SMPDL3B: variants seen among roughly 807,000 people sequenced by gnomAD.
The protein encoded by SMPDL3B is sphingomyelin phosphodiesterase acid like 3B.
Under a neutral mutation model 37.9 loss-of-function variants are expected in SMPDL3B, and 31 were observed. The observed-to-expected ratio is 0.82, with a 90% confidence interval of 0.61 to 1.10. SMPDL3B has a LOEUF of 1.10. Among genes scored for constraint, SMPDL3B ranks in the 50% least tolerant of loss-of-function variants. The pLI is 0.00. For missense variants in SMPDL3B, 525 were observed against 597.8 expected (o/e 0.88, Z 1.27); for synonymous variants, 235 against 242.6 (o/e 0.97, Z 0.29).
At position 27,957,185 on chromosome 1, in the gene SMPDL3B, G is replaced by A. The variant is rs147601400; in HGVS notation, c.1005+1103G>A. Among the ~76,000 whole-genome samples the A allele has an allele frequency of 2.6e-5, 4 of 152,250 alleles. No individual in the cohort carries two copies. In the East Asian group the frequency reaches 7.7e-4, roughly 29 times the overall value. ...CAGGGAACAGGCTGTAGGGGCAGGT[G>A]GGGGAGCAGTGAGGCCGTTTGGAGG... On this transcript the variant is annotated intron_variant, in intron 7 of 7. Transcript: ENST00000373894.
Position 27,955,868 on chromosome 1 carries a change from T to C in SMPDL3B, c.871+4T>C, listed in dbSNP as rs779993999. ...CGGATGCTCTATGATGATGCAGGTA[T>C]TCAACCTGGAGGGCAACTGCCAGCT... On this transcript the variant is annotated splice_donor_region_variant and intron_variant, in intron 6 of 7. Transcript: ENST00000373894. The C allele has an allele frequency of 6.2e-7, 1 of 1,612,636 alleles. No homozygotes were observed. Among genetic ancestry groups the C allele is most frequent in the East Asian group, 2.2e-5 (1 of 44,830 alleles).
intron 3 of SMPDL3B, among the ~76,000 whole-genome samples, chr1:27,952,603 G>T (rs933087392): frequency 6.6e-6 from 1 of 152,134 alleles, no homozygotes; most frequent in African/African-American, 2.4e-5. Context: ...CCTCAGGGAG[G>T]CCTCCCCAAA....
intron 3 of SMPDL3B, among the ~76,000 whole-genome samples, chr1:27,951,389 G>A (rs2090454409): frequency 6.6e-6 from 1 of 152,098 alleles, no homozygotes; most frequent in African/African-American, 2.4e-5. Context: ...TCGAGTAAGT[G>A]GCCTAAGAAG....
At chr1:27,953,837 G>A (rs1470504860) in intron 4 of SMPDL3B, among the ~76,000 whole-genome samples, 1 of 152,342 alleles carries the variant, frequency 6.6e-6, no homozygotes, top group African/African-American at 2.4e-5. Flanking sequence ...ATTGCCCAGT[G>A]TTCTCTTGGG....
intron 5 of SMPDL3B, 28 bp from the exon 6 acceptor site, chr1:27,955,656 G>A (rs1462473582): frequency 3.8e-6 from 6 of 1,599,426 alleles, no homozygotes; most frequent in Non-Finnish European, 5.1e-6. Flanking sequence ...GCATCTGTGA[G>A]CCTCTTCTGG....
rs1006466953 is a variant in SMPDL3B, at chr1:27,957,969, C to T, written c.1006-507C>T. ...TTACCCCGTCTGCAGTGGCCTGAAG[C>T]AGGTTCATAAATGTACCTGGAACCC... On this transcript the variant is annotated intron_variant, in intron 7 of 7. Transcript: ENST00000373894. Among the ~76,000 whole-genome samples, 6 of 152,190 alleles carry T rather than the reference C, an allele frequency of 3.9e-5. 1 individual carries two copies. The highest frequency in any genetic ancestry group is 1.4e-4 in the African/African-American group (6 of 41,434).
chr1:27,958,056 C>T lies in SMPDL3B; in HGVS notation c.1006-420C>T, dbSNP rs1638341474. On this transcript the variant is annotated intron_variant, in intron 7 of 7. Transcript: ENST00000373894. The surrounding 1 kb of genome is among the most constrained non-coding windows in gnomAD (Gnocchi z 5.6). Reference sequence around the variant, plus strand: ...CATGCACCTGGGTCCTAGGAGTCTACAGTTCATAATCTCTCTCATGCTTAG... The same window carrying T: ...CATGCACCTGGGTCCTAGGAGTCTATAGTTCATAATCTCTCTCATGCTTAG... 6.6e-6 allele frequency among the ~76,000 whole-genome samples: 1 copy of T among 152,124 alleles called. No homozygotes were observed. The highest frequency in any genetic ancestry group is 1.5e-5 in the Non-Finnish European group (1 of 68,024).
In SMPDL3B at chr1:27,955,734, C is replaced by T. The variant is rs747278197; in HGVS notation, c.741C>T (p.Asn247=). Reference sequence around the variant, plus strand: ...CGGGGTTCTTTGAGAAGACGCAAAACAAGGCATGGTTCCGGGAGGGCTTCA... The same window carrying T: ...CGGGGTTCTTTGAGAAGACGCAAAATAAGGCATGGTTCCGGGAGGGCTTCA... ...VPPGFFEKTQ[N]KAWFREGFNE... The change falls in exon 6 of 8, where the codon AAC becomes AAT. Residue 247 remains asparagine (N), a synonymous_variant. Transcript: ENST00000373894. 1.2e-6 allele frequency: 2 copies of T among 1,614,118 alleles called. No homozygotes were observed. The highest frequency in any genetic ancestry group is 2.2e-5 in the South Asian group (2 of 91,084).
At chr1:27,948,098 GC>G (rs1252731326) in intron 2 of SMPDL3B, among the ~76,000 whole-genome samples, 1 of 152,064 alleles carries the variant, frequency 6.6e-6, no homozygotes, top group Non-Finnish European at 1.5e-5. Flanking sequence ...TCAAATCTTG[GC>G]CCCACCACTT....
intron 3 of SMPDL3B, 101 bp from the exon 4 acceptor site, chr1:27,953,114 C>T (rs1259037451): frequency 2.4e-6 from 2 of 834,700 alleles, no homozygotes; most frequent in Non-Finnish European, 3.9e-6. Context: ...TGTGCTATCG[C>T]TCTTCCCCTT....
rs749664869 is a variant in SMPDL3B, at chr1:27,958,636, T to A, written c.1166T>A (p.Leu389Gln). ...LDRIAGDQST[L>Q]QRYYVYNSVS... The stretch of plus-strand genomic sequence containing the variant: ...CGCATCGCTGGCGACCAGAGCACAC[T>A]GCAGCGCTACTACGTCTATAACTCA... The change falls in exon 8 of 8, where the codon CTG becomes CAG. Residue 389 changes from leucine to glutamine, a missense_variant. Physicochemically the swap from Leu to Gln is moderately radical, Grantham distance 113. Coordinates refer to ENST00000373894, the MANE Select transcript of SMPDL3B (RefSeq NM_014474.4). This position sits in a 1 kb window ranked among gnomAD's most constrained non-coding sequence, Gnocchi z 5.6. 5.6e-6 allele frequency: 9 copies of A among 1,613,874 alleles called. No homozygotes were observed. In the South Asian group the frequency reaches 9.9e-5, roughly 18 times the overall value.
At chr1:27,949,814 T>G (rs961314157) in intron 3 of SMPDL3B, among the ~76,000 whole-genome samples, 7 of 152,154 alleles carry the variant, frequency 4.6e-5, no homozygotes, top group African/African-American at 1.7e-4. Flanking sequence ...AAGCAGCCCA[T>G]AGCCCCCACC....
intron 6 of SMPDL3B, 23 bp from the exon 7 acceptor site, chr1:27,955,926 T>C: frequency 6.2e-7 from 1 of 1,613,800 alleles, no homozygotes; most frequent in Non-Finnish European, 8.5e-7. Context: ...ACCCGCTCAG[T>C]CCTGCTGTCT....
rs2090495863 is a variant in SMPDL3B at position 27,955,801 on chromosome 1, A to G, written c.808A>G (p.Ile270Val). The G allele has an allele frequency of 6.2e-7, 1 of 1,614,060 alleles. No homozygotes were observed. The highest frequency in any genetic ancestry group is 1.3e-5 in the African/African-American group (1 of 74,924). Residue 270 changes from isoleucine to valine, a missense_variant, in exon 6 of 8, where the codon ATA (isoleucine) becomes GTA (valine). Transcript: ENST00000373894. ...GGTGGTCCGGAAGCATCATCGCGTC[A>G]TAGCAGGGCAGTTCTTCGGGCACCA... ...LKVVRKHHRV[I>V]AGQFFGHHHT...
intron 2 of SMPDL3B, among the ~76,000 whole-genome samples, chr1:27,946,783 G>A (rs889997871): frequency 1.3e-5 from 2 of 152,188 alleles, no homozygotes. Flanking sequence ...TTGTGGGTGT[G>A]ACCAGGAAGG....
rs145731626 is a variant in SMPDL3B at position 27,945,248 on chromosome 1, C to T, written c.78C>T (p.Ile26=). The T allele has an allele frequency of 1.7e-5, 27 of 1,614,014 alleles. No individual in the cohort carries two copies. Among genetic ancestry groups the T allele is most frequent in the Non-Finnish European group, 2.1e-5 (25 of 1,179,998 alleles). The change falls in exon 2 of 8, where the codon ATC becomes ATT. Residue 26 remains isoleucine (I), a synonymous_variant. Transcript: ENST00000373894. The surrounding 1 kb of genome is among the most constrained non-coding windows in gnomAD (Gnocchi z 4.0). ...ARAEPGKFWH[I]ADLHLDPDYK... is the part of the protein sequence containing the mutation. ...CCCCTGCAGGGAAGTTCTGGCACAT[C>T]GCTGACCTGCACCTTGACCCTGACT...
chr1:27,936,528 A>G (rs1005577218), intron 1 of SMPDL3B: 3 of 152,012 alleles, frequency 2.0e-5, no homozygotes, highest in African/African-American at 7.3e-5. Flanking sequence ...CATTATACCC[A>G]TTTTGCAGAT....
intron 7 of SMPDL3B, among the ~76,000 whole-genome samples, chr1:27,957,631 A>C (rs1165494064): frequency 6.6e-6 from 1 of 152,130 alleles, no homozygotes; most frequent in Non-Finnish European, 1.5e-5. Context: ...TAGTAAAGGT[A>C]GATTAAGAAG....
intron 1 of SMPDL3B, among the ~76,000 whole-genome samples, chr1:27,938,148 C>A (rs11247729): frequency 0.21 from 32,234 of 152,160 alleles, 3,810 homozygotes; most frequent in Non-Finnish European, 0.27. Context: ...CACCTGTTCA[C>A]CAAAGCTGTT....
Sources: allele counts gnomAD v4.1 joint callset (sites outside exome capture counted in the v4.1 genomes callset), GRCh38; gene constraint gnomAD v4.1.1; non-coding constraint Gnocchi (gnomAD v3.1); transcripts MANE v1.5; gene names NCBI Gene and HGNC (gene_info 2026-07-23, HGNC 2026-07-21).